The following DACH1 variants were observed in gnomAD, a reference collection of about 807,000 sequenced individuals.
DACH1 encodes dachshund homolog 1.
Under a neutral mutation model 54.2 loss-of-function variants are expected in DACH1, and 12 were observed. The observed-to-expected ratio is 0.22, with a 90% CI of 0.14 to 0.36. DACH1 has a LOEUF of 0.36. Among genes scored for constraint, DACH1 ranks in the 10% least tolerant of loss-of-function variants. DACH1 has a pLI of 1.00. For missense variants in DACH1, 805 were observed against 929.8 expected, an observed-to-expected ratio of 0.87 and a Z score of 1.75; for synonymous variants, 386 against 366.2, an observed-to-expected ratio of 1.05 and a Z score of -0.62.
chr13:71,687,458 A>C (rs985614879), intron 1 of DACH1, among the ~76,000 whole-genome samples: 2 of 152,156 alleles, frequency 1.3e-5, no homozygotes, highest in Non-Finnish European at 2.9e-5. Context: ...CAAGTAAAGG[A>C]AGCAATAAAT....
At chr13:71,791,356 T>C (rs1215202888) in intron 1 of DACH1, among the ~76,000 whole-genome samples, 3 of 152,082 alleles carry the variant, frequency 2.0e-5, no homozygotes, top group South Asian at 2.1e-4. Flanking sequence ...GGTGGAGCTA[T>C]TCTTTGTTTG....
chr13:71,792,198 A>G (rs989756327), intron 1 of DACH1, among the ~76,000 whole-genome samples: 1 of 152,172 alleles, frequency 6.6e-6, no homozygotes, highest in Non-Finnish European at 1.5e-5. Context: ...CCGCCCAGTA[A>G]ATTTCTCTGA....
At chr13:71,658,150 A>G (rs1018833342) in intron 2 of DACH1, among the ~76,000 whole-genome samples, 1 of 152,226 alleles carries the variant, frequency 6.6e-6, no homozygotes, top group Non-Finnish European at 1.5e-5. Flanking sequence ...CACAATAATT[A>G]TGGTGATTTC....
intron 8 of DACH1, among the ~76,000 whole-genome samples, chr13:71,478,226 C>G (rs1288307092): frequency 6.6e-6 from 1 of 152,140 alleles, no homozygotes; most frequent in African/African-American, 2.4e-5. Flanking sequence ...ATACCTGAAT[C>G]TATGTGAAGC....
chr13:71,573,422 T>C (rs1291475228), intron 3 of DACH1: 2 of 716,544 alleles, frequency 2.8e-6, no homozygotes, highest in Non-Finnish European at 5.2e-6. Context: ...TCGTACCATT[T>C]GGCAGAAGGT....
chr13:71,807,432 A>AT lies in DACH1; in HGVS notation c.848+58489_848+58490insA, dbSNP rs1887548880. On this transcript the variant is annotated intron_variant, in intron 1 of 10. Transcript: ENST00000613252. The stretch of plus-strand genomic sequence containing the variant: ...TATCACAGATTGCAAAAAAAAAAAA[A>AT]AAAAAAAATCCTCAATATGTAAAAA... 2.0e-5 allele frequency among the ~76,000 whole-genome samples: 3 copies of AT among 151,642 alleles called. No individual in the cohort carries two copies. In the South Asian group the frequency reaches 6.3e-4, roughly 32 times the overall value.
At chr13:71,865,808 G>GGGGCGCGCGGCTCGC in intron 1 of DACH1, 114 bp downstream of exon 1, 1 of 1,309,804 alleles carries the variant, frequency 7.6e-7, no homozygotes, top group Non-Finnish European at 9.7e-7. Flanking sequence ...CGCGCTCGCC[G>GGGGCGCGCGGCTCGC]GGGCGCGCGG....
At position 71,605,461 on chromosome 13, in the gene DACH1, A is replaced by G. The variant is rs1874805940; in HGVS notation, c.1126+25095T>C. Among the ~76,000 whole-genome samples the G allele has an allele frequency of 2.0e-5, 3 of 151,960 alleles. No homozygotes were observed. In the South Asian group the frequency reaches 6.2e-4, roughly 32 times the overall value. ...TAAGATCACTTGGTTTAGTGTGAATAATATACCAAGTTTTAATGAAATAAA... is the reference window on the plus strand; with the variant it reads ...TAAGATCACTTGGTTTAGTGTGAATGATATACCAAGTTTTAATGAAATAAA... On this transcript the variant is annotated intron_variant, in intron 3 of 10. Coordinates refer to ENST00000613252, the MANE Select transcript of DACH1 (RefSeq NM_080759.6).
intron 1 of DACH1, among the ~76,000 whole-genome samples, chr13:71,739,800 G>A (rs933005690): frequency 2.0e-5 from 3 of 152,110 alleles, no homozygotes; most frequent in African/African-American, 7.2e-5. Context: ...AAATATGAAG[G>A]CATTTGAATT....
chr13:71,830,241 T>A (rs536659671), intron 1 of DACH1, among the ~76,000 whole-genome samples: 20 of 151,984 alleles, frequency 1.3e-4, no homozygotes, highest in African/African-American at 4.8e-4. Flanking sequence ...AAAATTCTTA[T>A]GATAGCCAAT....
At position 71,866,401 on chromosome 13, in the gene DACH1, G is replaced by T. The variant is rs1874780317; in HGVS notation, c.369C>A (p.Ser123Arg). ...TGCTGGAAGCGACGCCGCCGCCAGCGCTGATGCCGCCGCCGCCGCCGCCGC... is the reference window on the plus strand; with the variant it reads ...TGCTGGAAGCGACGCCGCCGCCAGCTCTGATGCCGCCGCCGCCGCCGCCGC... ...NGSGGGGGGISAGGGVASSTP... is the reference protein window; with the variant it reads ...NGSGGGGGGIRAGGGVASSTP... Residue 123 changes from serine to arginine, a missense_variant, in exon 1 of 11, where the codon AGC (serine) becomes AGA (arginine). Physicochemically the swap from Ser to Arg is moderately radical, Grantham distance 110. This residue lies in a region of DACH1 where 305 missense variants were observed against 308.7 expected (regional missense o/e 0.99). Coordinates refer to ENST00000613252, the MANE Select transcript of DACH1 (RefSeq NM_080759.6). 14 of 1,452,418 alleles carry T rather than the reference G, an allele frequency of 9.6e-6. No homozygotes were observed. The highest frequency in any genetic ancestry group is 3.9e-5 in the South Asian group (3 of 76,740). The allele number at this position is 1,452,418 out of a possible 1,614,324, so 90.0% of individuals were successfully genotyped here.
At chr13:71,687,301 G>A in intron 1 of DACH1, among the ~76,000 whole-genome samples, 1 of 151,876 alleles carries the variant, frequency 6.6e-6, no homozygotes, top group South Asian at 2.1e-4. Context: ...TTAATGATTT[G>A]CATAGCCACT....
chr13:71,845,338 T>TTG (rs1873161952), intron 1 of DACH1, among the ~76,000 whole-genome samples: 2 of 152,196 alleles, frequency 1.3e-5, no homozygotes, highest in African/African-American at 4.8e-5. Flanking sequence ...AGTGTGCCAA[T>TTG]ATGAAAAACA....
At chr13:71,713,187 C>T (rs1459481288) in intron 1 of DACH1, among the ~76,000 whole-genome samples, 1 of 151,750 alleles carries the variant, frequency 6.6e-6, no homozygotes, top group Admixed American at 6.6e-5. Flanking sequence ...CCACGTTGAC[C>T]TAGCAGGGCA....
chr13:71,636,292 G>A (rs1156761130), intron 2 of DACH1, among the ~76,000 whole-genome samples: 1 of 151,978 alleles, frequency 6.6e-6, no homozygotes, highest in Non-Finnish European at 1.5e-5. Flanking sequence ...GAACTGAGAA[G>A]TCAAAGGAAG....
intron 6 of DACH1, 87 bp downstream of exon 6, chr13:71,556,937 G>GTAGA: frequency 7.7e-7 from 1 of 1,299,488 alleles, no homozygotes. Flanking sequence ...TTTACATGAT[G>GTAGA]TAGAGATAGA....
intron 1 of DACH1, among the ~76,000 whole-genome samples, chr13:71,742,479 T>C (rs972634836): frequency 5.9e-5 from 9 of 151,842 alleles, no homozygotes; most frequent in African/African-American, 2.2e-4. Context: ...CAAGCAAAAA[T>C]TTCATTAGTT....
intron 1 of DACH1, among the ~76,000 whole-genome samples, chr13:71,825,964 A>T (rs925901165): frequency 1.3e-5 from 2 of 152,138 alleles, no homozygotes; most frequent in Non-Finnish European, 2.9e-5. Context: ...CCATGCAAAC[A>T]GCTGTATCCA....
Position 71,630,610 on chromosome 13 carries a change from T to C in DACH1, c.1072A>G (p.Ser358Gly). ...KLEAMSNYHASNNQHGADSEN... is the reference protein window; with the variant it reads ...KLEAMSNYHAGNNQHGADSEN... ...GAGTCTGCTCCATGTTGGTTATTAC[T>C]GGCATGATAGTTGCTCATGGCTTCT... Residue 358 changes from serine (S) to glycine (G), a missense_variant, in exon 3 of 11, where the codon AGT becomes GGT. Ser to Gly is a moderately conservative substitution (Grantham distance 56, BLOSUM62 0). Transcript: ENST00000613252. The C allele has an allele frequency of 6.2e-7, 1 of 1,611,358 alleles. No individual in the cohort carries two copies. The highest frequency in any genetic ancestry group is 8.5e-7 in the Non-Finnish European group (1 of 1,179,226).
Sources: gnomAD v4.1 joint callset for allele counts (sites outside exome capture counted in the v4.1 genomes callset) on GRCh38, gnomAD v4.1.1 for gene constraint, gnomAD v4.1.1 regional missense constraint, MANE v1.5 for transcripts, NCBI Gene and HGNC (gene_info 2026-07-23, HGNC 2026-07-21) for gene names.